CTDSPL: variants seen among roughly 807,000 people sequenced by gnomAD.
CTDSPL encodes the protein CTD small phosphatase like, also known as CTD small phosphatase-like protein.
A neutral mutation model predicts 30.5 loss-of-function variants in CTDSPL; 8 were observed. That is an observed-to-expected ratio of 0.26 (90% CI 0.15 to 0.47). The LOEUF (loss-of-function observed/expected upper bound fraction) is 0.47. Among genes scored for constraint, CTDSPL ranks in the 20% least tolerant of loss-of-function variants. The pLI is 0.99. For synonymous variants in CTDSPL, 110 were observed against 137.9 expected, an observed-to-expected ratio of 0.80 and a Z score of 1.42; for missense variants, 248 against 366.1, an observed-to-expected ratio of 0.68 and a Z score of 2.63.
intron 1 of CTDSPL, among the ~76,000 whole-genome samples, chr3:37,923,666 G>A (rs1391399543): frequency 6.6e-6 from 1 of 152,124 alleles, no homozygotes; most frequent in Non-Finnish European, 1.5e-5. Context: ...ACTGTTGTGG[G>A]AATTCAAATT....
In CTDSPL at chr3:37,957,212, A is replaced by G. The variant is rs887889987; in HGVS notation, c.267+69A>G. ...ATCTTGTGGCTTTGGGCCTACTTAT[A>G]TAAAGGATTTTTTTTAATGTTATTG... On this transcript the variant is annotated intron_variant, in intron 3 of 7. Coordinates refer to ENST00000273179, the MANE Select transcript of CTDSPL (RefSeq NM_001008392.2). The G allele has an allele frequency of 1.6e-4, 180 of 1,108,598 alleles. 2 individuals carry two copies. Among genetic ancestry groups the G allele is most frequent in the Middle Eastern group, 1.5e-3 (5 of 3,442 alleles). 68.7% of individuals were successfully genotyped at this position (1,108,598 alleles called of 1,614,324 possible). A position where few individuals can be genotyped will look rare whatever the true frequency, so the allele number is the denominator to read the frequency against.
chr3:37,880,264 C>T (rs959251195), intron 1 of CTDSPL, among the ~76,000 whole-genome samples: 2 of 151,928 alleles, frequency 1.3e-5, no homozygotes, highest in African/African-American at 2.4e-5. Flanking sequence ...AGTTATGCAC[C>T]TAACAAATAG....
rs1697956109 is a variant in CTDSPL, at chr3:37,862,583, C to G, written c.79+305C>G. ...TGTGAGCCTGTGTGTGCACCTAACACAGAGGTTCTAAGTGTGTGCACTTGT... is the reference window on the plus strand; with the variant it reads ...TGTGAGCCTGTGTGTGCACCTAACAGAGAGGTTCTAAGTGTGTGCACTTGT... On this transcript the variant is annotated intron_variant, in intron 1 of 7. Transcript: ENST00000273179. This position sits in a 1 kb window ranked among gnomAD's most constrained non-coding sequence, Gnocchi z 4.3. Among the ~76,000 whole-genome samples the G allele has an allele frequency of 6.6e-6, 1 of 152,128 alleles. No individual in the cohort carries two copies. Among genetic ancestry groups the G allele is most frequent in the Non-Finnish European group, 1.5e-5 (1 of 68,010 alleles).
chr3:37,928,913 G>C (rs1698817333), intron 1 of CTDSPL, among the ~76,000 whole-genome samples: 1 of 152,112 alleles, frequency 6.6e-6, no homozygotes, highest in Non-Finnish European at 1.5e-5. Flanking sequence ...ATAGTTTCAG[G>C]TCTTATGCTG....
At chr3:37,869,852 C>T (rs566762490) in intron 1 of CTDSPL, among the ~76,000 whole-genome samples, 1 of 152,186 alleles carries the variant, frequency 6.6e-6, no homozygotes, top group East Asian at 1.9e-4. Context: ...GCTTTTTCTG[C>T]AACAATTAGT....
intron 1 of CTDSPL, among the ~76,000 whole-genome samples, chr3:37,940,820 G>A (rs1698969706): frequency 1.3e-5 from 2 of 150,330 alleles, no homozygotes; most frequent in Admixed American, 6.7e-5. Flanking sequence ...GGCAAAAAAT[G>A]TCAGATGTCC....
intron 1 of CTDSPL, among the ~76,000 whole-genome samples, chr3:37,916,468 G>A (rs573285138): frequency 9.9e-5 from 15 of 152,264 alleles, no homozygotes; most frequent in Middle Eastern, 3.4e-3. Context: ...AGGTAAGGTC[G>A]TACTGGAGGA....
At chr3:37,962,382 C>A (rs1259801762) in intron 3 of CTDSPL, among the ~76,000 whole-genome samples, 1 of 152,226 alleles carries the variant, frequency 6.6e-6, no homozygotes, top group Non-Finnish European at 1.5e-5. Flanking sequence ...CCCAACTTGG[C>A]CTTGTTCCCT....
chr3:37,948,000 G>A (rs748971164), intron 2 of CTDSPL, among the ~76,000 whole-genome samples: 2 of 152,194 alleles, frequency 1.3e-5, no homozygotes, highest in Non-Finnish European at 2.9e-5. Context: ...GTATAAGGAT[G>A]AGGCCAGGCA....
intron 1 of CTDSPL, among the ~76,000 whole-genome samples, chr3:37,877,124 T>A (rs896536088): frequency 2.0e-5 from 3 of 149,576 alleles, no homozygotes; most frequent in African/African-American, 4.9e-5. Context: ...AAAAAAAAAA[T>A]TGATCGTCTT....
chr3:37,955,031 A>G (rs908796633), intron 2 of CTDSPL: 1 of 152,196 alleles, frequency 6.6e-6, no homozygotes. Flanking sequence ...CGTCGTTGAC[A>G]TGCTCATCTC....
At chr3:37,932,950 C>T (rs1273036568) in intron 1 of CTDSPL, among the ~76,000 whole-genome samples, 3 of 152,116 alleles carry the variant, frequency 2.0e-5, no homozygotes, top group East Asian at 1.9e-4. Context: ...GTCAGGAGTT[C>T]GAGACCAGCC....
In CTDSPL at chr3:37,862,803, G is replaced by GTGAGCAT. The variant is rs988201047; in HGVS notation, c.79+526_79+532dup. On this transcript the variant is annotated intron_variant, in intron 1 of 7. Coordinates refer to ENST00000273179, the MANE Select transcript of CTDSPL (RefSeq NM_001008392.2). This position sits in a 1 kb window ranked among gnomAD's most constrained non-coding sequence, Gnocchi z 4.3. The stretch of plus-strand genomic sequence containing the variant: ...CTGAGGGGTTGTGGAATGTGTGTGC[G>GTGAGCAT]TGAGCATGAGCCTGGAGAGGTTCTA... Among the ~76,000 whole-genome samples the GTGAGCAT allele has an allele frequency of 6.6e-6, 1 of 152,202 alleles. No individual in the cohort carries two copies. The highest frequency in any genetic ancestry group is 2.4e-5 in the African/African-American group (1 of 41,446).
At chr3:37,890,219 A>C in intron 1 of CTDSPL, among the ~76,000 whole-genome samples, 1 of 152,228 alleles carries the variant, frequency 6.6e-6, no homozygotes, top group Non-Finnish European at 1.5e-5. Flanking sequence ...GAGTTAAGGC[A>C]GGATATTTGG....
rs11427503 is a variant in CTDSPL, at chr3:37,938,679, G to GTT, written c.80-8369_80-8368dup. 4.6e-3 allele frequency among the ~76,000 whole-genome samples: 667 copies of GTT among 143,580 alleles called. 17 individuals carry two copies. Among genetic ancestry groups the GTT allele is most frequent in the African/African-American group, 0.014 (570 of 39,986 alleles). The allele number at this position is 143,580 out of a possible 152,430, so 94.2% of individuals were successfully genotyped here. ...TTTCATGTTTTTTGTTTTTTTGTGGGTTTTTTTTTTGTTTTTTTTGAAATG... is the reference window on the plus strand; with the variant it reads ...TTTCATGTTTTTTGTTTTTTTGTGGGTTTTTTTTTTTTGTTTTTTTTGAAATG... On this transcript the variant is annotated intron_variant, in intron 1 of 7. Coordinates refer to ENST00000273179, the MANE Select transcript of CTDSPL (RefSeq NM_001008392.2).
chr3:37,883,529 A>G (rs1336781019), intron 1 of CTDSPL, among the ~76,000 whole-genome samples: 1 of 152,240 alleles, frequency 6.6e-6, no homozygotes, highest in Non-Finnish European at 1.5e-5. Context: ...TGACTTTATC[A>G]TCATGTTCAA....
At position 37,968,144 on chromosome 3, in the gene CTDSPL, C is replaced by T. The variant is rs1977911; in HGVS notation, c.426+262C>T. On this transcript the variant is annotated intron_variant, in intron 5 of 7. Coordinates refer to ENST00000273179, the MANE Select transcript of CTDSPL (RefSeq NM_001008392.2). ...CTTTGATTTGAATTTCAGAAGTTTC[C>T]GTATCCCCCACTGGCCTAGCTTGAT... The T allele has an allele frequency of 4.6e-3, 2,039 of 443,268 alleles. 28 individuals carry two copies. Among genetic ancestry groups the T allele is most frequent in the African/African-American group, 0.027 (1,359 of 49,620 alleles). 27.5% of individuals were successfully genotyped at this position (443,268 alleles called of 1,614,324 possible).
chr3:37,973,191 A>T lies in CTDSPL; in HGVS notation c.519+1692A>T, dbSNP rs530850779. On this transcript the variant is annotated intron_variant, in intron 6 of 7. Coordinates refer to ENST00000273179, the MANE Select transcript of CTDSPL (RefSeq NM_001008392.2). ...CCTCAGGGAAAATAGAGTCTTCCCC[A>T]GTGGGTAATCTTTCAGATGAGTGGT... 9.8e-5 allele frequency among the ~76,000 whole-genome samples: 15 copies of T among 152,362 alleles called. 1 individual carries two copies. In the South Asian group the frequency reaches 2.7e-3, roughly 27 times the overall value.
At chr3:37,923,172 A>C in intron 1 of CTDSPL, among the ~76,000 whole-genome samples, 1 of 152,218 alleles carries the variant, frequency 6.6e-6, no homozygotes, top group East Asian at 1.9e-4. Flanking sequence ...GGCGTGGGAC[A>C]GGATGACTGC....
Sources: allele counts gnomAD v4.1 joint callset (sites outside exome capture counted in the v4.1 genomes callset), GRCh38; gene constraint gnomAD v4.1.1; non-coding constraint Gnocchi (gnomAD v3.1); transcripts MANE v1.5; gene names NCBI Gene and HGNC (gene_info 2026-07-23, HGNC 2026-07-21).